KHDRBS2: variants seen among roughly 807,000 people sequenced by gnomAD.
The protein encoded by KHDRBS2 is KH RNA binding domain containing, signal transduction associated 2, also known as KH domain-containing, RNA-binding, signal transduction-associated protein 2.
A neutral mutation model predicts 44.3 loss-of-function variants in KHDRBS2; 26 were observed. The observed-to-expected ratio is 0.59, with a 90% CI of 0.43 to 0.81. The LOEUF (loss-of-function observed/expected upper bound fraction) is 0.81. Among genes scored for constraint, KHDRBS2 ranks in the 40% least tolerant of loss-of-function variants. The probability of loss-of-function intolerance (pLI) is 0.00; values close to 1 mark genes in which losing one functional copy is unlikely to be tolerated. For missense variants in KHDRBS2, 476 were observed against 433.1 expected, an observed-to-expected ratio of 1.10 and a Z score of -0.88; for synonymous variants, 194 against 151.1, an observed-to-expected ratio of 1.28 and a Z score of -2.08.
Position 61,894,725 on chromosome 6 carries a change from T to G in KHDRBS2, c.720A>C (p.Arg240Ser). 6.2e-7 allele frequency: 1 copy of G among 1,613,684 alleles called. No individual in the cohort carries two copies. The highest frequency in any genetic ancestry group is 8.5e-7 in the Non-Finnish European group (1 of 1,179,818). ...RGALPVPPVARGVPTPRARGA... is the reference protein window; with the variant it reads ...RGALPVPPVASGVPTPRARGA... The stretch of plus-strand genomic sequence containing the variant: ...CCCGGGCTCGAGGGGTAGGGACACC[T>G]CTTGCTACAGGTGGCACTGGAAGCG... Residue 240 changes from arginine (R) to serine (S), a missense_variant, in exon 6 of 9, where the codon AGA becomes AGC. Coordinates refer to ENST00000281156, the MANE Select transcript of KHDRBS2 (RefSeq NM_152688.4).
At chr6:61,776,222 T>C (rs1389211306) in intron 6 of KHDRBS2, among the ~76,000 whole-genome samples, 2 of 152,076 alleles carry the variant, frequency 1.3e-5, no homozygotes, top group Non-Finnish European at 2.9e-5. Context: ...ATTCAGGACA[T>C]AGGCATGGGC....
At chr6:62,107,497 T>A (rs1292828659) in intron 2 of KHDRBS2, among the ~76,000 whole-genome samples, 1 of 152,056 alleles carries the variant, frequency 6.6e-6, no homozygotes, top group Non-Finnish European at 1.5e-5. Flanking sequence ...AGAATCAATA[T>A]CGTGAAAATG....
At chr6:62,070,205 A>G (rs151282442) in intron 2 of KHDRBS2, among the ~76,000 whole-genome samples, 1 of 151,850 alleles carries the variant, frequency 6.6e-6, no homozygotes, top group East Asian at 2.0e-4. Flanking sequence ...TTTGGTTTGT[A>G]GTATTTTGAT....
chr6:61,745,283 T>G (rs1776700583), intron 6 of KHDRBS2, among the ~76,000 whole-genome samples: 2 of 152,152 alleles, frequency 1.3e-5, no homozygotes, highest in African/African-American at 4.8e-5. Flanking sequence ...TAACTTTGTA[T>G]TTTTTGAAAA....
chr6:62,071,467 G>A (rs1268189110), intron 2 of KHDRBS2, among the ~76,000 whole-genome samples: 2 of 152,114 alleles, frequency 1.3e-5, no homozygotes, highest in Non-Finnish European at 2.9e-5. Context: ...GATTTTTATG[G>A]TTTTAGGTCT....
intron 6 of KHDRBS2, among the ~76,000 whole-genome samples, chr6:61,748,450 G>T (rs1582582159): frequency 6.6e-6 from 1 of 152,174 alleles, no homozygotes; most frequent in South Asian, 2.1e-4. Context: ...ATGTGAGCAG[G>T]AAGAGGCCCT....
intron 2 of KHDRBS2, among the ~76,000 whole-genome samples, chr6:62,124,624 C>CACG (rs1421814520): frequency 3.3e-5 from 5 of 151,524 alleles, no homozygotes; most frequent in Admixed American, 2.0e-4. Context: ...CACACACCAC[C>CACG]TTTATCCAAT....
chr6:61,773,440 C>A (rs1418303860), intron 6 of KHDRBS2, among the ~76,000 whole-genome samples: 1 of 152,116 alleles, frequency 6.6e-6, no homozygotes, highest in Non-Finnish European at 1.5e-5. Context: ...TAAATGTCTT[C>A]TTTTGAGAAG....
intron 1 of KHDRBS2, among the ~76,000 whole-genome samples, chr6:62,272,521 C>T (rs1563168197): frequency 6.6e-6 from 1 of 152,118 alleles, no homozygotes; most frequent in Non-Finnish European, 1.5e-5. Flanking sequence ...CAACAGCATG[C>T]CCACTGAGGC....
At chr6:62,279,467 C>T (rs1262490525) in intron 1 of KHDRBS2, among the ~76,000 whole-genome samples, 1 of 152,064 alleles carries the variant, frequency 6.6e-6, no homozygotes, top group African/African-American at 2.4e-5. Context: ...TTTATTGAGG[C>T]CTTCTACATA....
chr6:62,061,287 G>A (rs1017809979), intron 2 of KHDRBS2, among the ~76,000 whole-genome samples: 8 of 151,578 alleles, frequency 5.3e-5, no homozygotes, highest in African/African-American at 1.2e-4. Context: ...TTTACATTTC[G>A]GCATGATTTT....
chr6:62,241,978 G>A (rs1257913207), intron 1 of KHDRBS2, among the ~76,000 whole-genome samples: 1 of 152,130 alleles, frequency 6.6e-6, no homozygotes, highest in South Asian at 2.1e-4. Flanking sequence ...ACATCAGGAA[G>A]TTTAGATTGT....
chr6:62,280,280 G>C (rs1282738532), intron 1 of KHDRBS2, among the ~76,000 whole-genome samples: 2 of 152,198 alleles, frequency 1.3e-5, no homozygotes, highest in African/African-American at 2.4e-5. Context: ...TAAGAAGTGT[G>C]ACATGGTGAG....
At chr6:61,788,917 A>G (rs935130796) in intron 6 of KHDRBS2, among the ~76,000 whole-genome samples, 31 of 151,362 alleles carry the variant, frequency 2.0e-4, no homozygotes, top group African/African-American at 7.5e-4. Context: ...AAAAATAGTG[A>G]AGATAAATTA....
chr6:61,895,009 G>GTGT, intron 5 of KHDRBS2, among the ~76,000 whole-genome samples, 176 bp from the exon 6 acceptor site: 1 of 151,796 alleles, frequency 6.6e-6, no homozygotes, highest in South Asian at 2.1e-4. Flanking sequence ...GATATAAAGT[G>GTGT]TGTTGATATC....
intron 7 of KHDRBS2, among the ~76,000 whole-genome samples, chr6:61,720,551 T>G (rs1430801315): frequency 6.6e-6 from 1 of 152,230 alleles, no homozygotes; most frequent in Non-Finnish European, 1.5e-5. Context: ...TTTTTTCATG[T>G]GTTTTTTGGC....
intron 2 of KHDRBS2, among the ~76,000 whole-genome samples, chr6:62,103,339 G>T (rs1415458426): frequency 1.3e-5 from 2 of 152,178 alleles, no homozygotes; most frequent in African/African-American, 4.8e-5. Context: ...CCCCTGGCCT[G>T]TCGCTCATGC....
At chr6:61,777,815 T>A (rs1385782835) in intron 6 of KHDRBS2, among the ~76,000 whole-genome samples, 1 of 152,188 alleles carries the variant, frequency 6.6e-6, no homozygotes, top group African/African-American at 2.4e-5. Flanking sequence ...AAAACGAAGA[T>A]TAAGATTTTA....
At chr6:61,874,025 A>G (rs987476136) in intron 6 of KHDRBS2, among the ~76,000 whole-genome samples, 5 of 151,830 alleles carry the variant, frequency 3.3e-5, no homozygotes, top group African/African-American at 1.2e-4. Flanking sequence ...AATGGTATGA[A>G]CTCTCTCTAT....
Sources: allele counts gnomAD v4.1 joint callset (sites outside exome capture counted in the v4.1 genomes callset), GRCh38; gene constraint gnomAD v4.1.1; transcripts MANE v1.5; gene names NCBI Gene and HGNC (gene_info 2026-07-23, HGNC 2026-07-21).